Variants in PDE11A observed in about 807,000 individuals in gnomAD.
PDE11A encodes the protein phosphodiesterase 11A, also known as dual 3',5'-cyclic-AMP and -GMP phosphodiesterase 11A.
In PDE11A, 100 loss-of-function variants were observed where a neutral mutation model predicts 100.5. That is an observed-to-expected ratio of 1.00 (90% confidence interval 0.85 to 1.18). PDE11A has a LOEUF of 1.18. PDE11A is among the 50% of genes most tolerant of loss of function. PDE11A has a pLI of 0.00. For missense variants in PDE11A, 1,141 were observed against 1,152.6 expected (o/e 0.99, Z 0.15); for synonymous variants, 381 against 420.8 (o/e 0.91, Z 1.16).
chr2:177,932,464 C>T (rs1024845832), intron 2 of PDE11A, among the ~76,000 whole-genome samples: 8 of 152,052 alleles, frequency 5.3e-5, no homozygotes, highest in Admixed American at 2.0e-4. Flanking sequence ...AATTAATTTA[C>T]CATAATCAAG....
chr2:177,881,357 A>ATCTTATCTATCATCTATCTG (rs2084337635), intron 4 of PDE11A, among the ~76,000 whole-genome samples: 1 of 151,446 alleles, frequency 6.6e-6, no homozygotes, highest in African/African-American at 2.4e-5. Flanking sequence ...CTATCTATCT[A>ATCTTATCTATCATCTATCTG]TCTATCTATC....
chr2:177,681,966 T>C (rs573994942), intron 15 of PDE11A, among the ~76,000 whole-genome samples: 1 of 152,356 alleles, frequency 6.6e-6, no homozygotes, highest in Non-Finnish European at 1.5e-5. Context: ...CTACATTCTG[T>C]AGAGAATCCC....
chr2:177,660,031 T>TTTTCTTTCTTTCTTTCTTTC (rs1173068300), intron 19 of PDE11A, among the ~76,000 whole-genome samples: 1 of 125,544 alleles, frequency 8.0e-6, no homozygotes, highest in African/African-American at 2.9e-5. Context: ...GTTACAATCA[T>TTTTCTTTCTTTCTTTCTTTC]TTTCTTTCTT....
chr2:177,942,264 C>T (rs1474362217), intron 2 of PDE11A, among the ~76,000 whole-genome samples: 2 of 152,152 alleles, frequency 1.3e-5, no homozygotes, highest in Non-Finnish European at 1.5e-5. Flanking sequence ...ATAATAGATT[C>T]TACCTAATAG....
At chr2:177,892,467 A>G (rs1350146972) in intron 4 of PDE11A, among the ~76,000 whole-genome samples, 1 of 152,262 alleles carries the variant, frequency 6.6e-6, no homozygotes, top group Non-Finnish European at 1.5e-5. Context: ...ACAGCTATAC[A>G]AAAAAGTAAC....
At chr2:177,690,354 T>A (rs2081024563) in intron 15 of PDE11A, among the ~76,000 whole-genome samples, 1 of 152,222 alleles carries the variant, frequency 6.6e-6, no homozygotes, top group Admixed American at 6.5e-5. Flanking sequence ...CAGTTTACTT[T>A]CATCCTTTCC....
At chr2:177,834,346 T>C (rs985611808) in intron 6 of PDE11A, among the ~76,000 whole-genome samples, 63 of 152,324 alleles carry the variant, frequency 4.1e-4, no homozygotes, top group African/African-American at 1.5e-3. Context: ...AACTGCCCCC[T>C]TCCCCACCCC....
In PDE11A at chr2:177,840,350, G is replaced by T. The variant is rs754452312; in HGVS notation, c.1401C>A (p.Ser467=). ...CAATGCTGTTATTTATTAGCCAGTCGGAGTATGATGATTTCTCCATGCTTT... is the reference window on the plus strand; with the variant it reads ...CAATGCTGTTATTTATTAGCCAGTCTGAGTATGATGATTTCTCCATGCTTT... ...FKESMEKSSY[S]DWLINNSIAE... The change falls in exon 6 of 20, where the codon TCC becomes TCA. Residue 467 remains serine, a synonymous_variant. Transcript: ENST00000286063. The T allele has an allele frequency of 5.0e-6, 8 of 1,613,484 alleles. No individual in the cohort carries two copies. The South Asian group carries it at 8.8e-5, about 18-fold the overall frequency.
intron 1 of PDE11A, among the ~76,000 whole-genome samples, chr2:178,062,995 T>A (rs1369712688): frequency 6.6e-6 from 1 of 152,254 alleles, no homozygotes. Flanking sequence ...TGCCAGCTGC[T>A]AGAATTGATT....
chr2:177,633,578 T>C (rs1023967171), intron 19 of PDE11A, among the ~76,000 whole-genome samples: 2 of 152,260 alleles, frequency 1.3e-5, no homozygotes, highest in Non-Finnish European at 2.9e-5. Flanking sequence ...TCAAATTTAC[T>C]AGTTATTTCA....
chr2:177,818,063 G>A (rs964302436), intron 7 of PDE11A, 138 bp from the exon 8 acceptor site: 13 of 662,666 alleles, frequency 2.0e-5, no homozygotes, highest in African/African-American at 5.4e-5. Flanking sequence ...AGTGCCTGCC[G>A]ATTTCATGAG....
intron 15 of PDE11A, among the ~76,000 whole-genome samples, chr2:177,693,442 A>T (rs770187966): frequency 9.2e-5 from 14 of 152,168 alleles, no homozygotes; most frequent in Non-Finnish European, 1.6e-4. Context: ...CATAGTGGAG[A>T]ACAACAAAGA....
intron 5 of PDE11A, among the ~76,000 whole-genome samples, chr2:177,842,000 C>T (rs73038287): frequency 0.012 from 1,887 of 152,220 alleles, 41 homozygotes; most frequent in African/African-American, 0.043. Flanking sequence ...CTAGGAGAAA[C>T]AAGATAATGC....
At chr2:177,663,344 C>T (rs549948887) in intron 19 of PDE11A, among the ~76,000 whole-genome samples, 4 of 150,774 alleles carry the variant, frequency 2.7e-5, no homozygotes, top group South Asian at 2.1e-4. Context: ...CTGGAAGGTG[C>T]GTCACAAAAC....
chr2:177,842,265 G>A lies in PDE11A; in HGVS notation c.1368-1882C>T, dbSNP rs572003595. ...AGAGGTCTGGGCACAGAAGTAAAAC[G>A]GTTGGGTAGGGTGGGGCTCAAGGAA... is the stretch of plus-strand genomic sequence containing the variant. On this transcript the variant is annotated intron_variant, in intron 5 of 19. Coordinates refer to ENST00000286063, the MANE Select transcript of PDE11A (RefSeq NM_016953.4). 9.2e-5 allele frequency among the ~76,000 whole-genome samples: 14 copies of A among 152,306 alleles called. 1 individual carries two copies. In the South Asian group the frequency reaches 2.7e-3, roughly 29 times the overall value.
intron 1 of PDE11A, among the ~76,000 whole-genome samples, chr2:178,021,779 T>C (rs1265364108): frequency 6.6e-6 from 1 of 151,968 alleles, no homozygotes; most frequent in Non-Finnish European, 1.5e-5. Flanking sequence ...ATAGGAATTA[T>C]CCAGAAAAAA....
chr2:177,756,572 A>C (rs964789704), intron 10 of PDE11A, among the ~76,000 whole-genome samples: 4 of 152,226 alleles, frequency 2.6e-5, no homozygotes, highest in African/African-American at 9.6e-5. Flanking sequence ...CTGTTCCCAC[A>C]GAAATCACAA....
chr2:177,711,355 G>T (rs764764605), intron 13 of PDE11A, among the ~76,000 whole-genome samples: 7 of 152,188 alleles, frequency 4.6e-5, no homozygotes, highest in Non-Finnish European at 7.3e-5. Flanking sequence ...TCCTGGAAGA[G>T]ACTCTGTTGG....
intron 9 of PDE11A, among the ~76,000 whole-genome samples, chr2:177,813,164 G>C (rs933502676): frequency 2.0e-5 from 3 of 151,424 alleles, no homozygotes; most frequent in African/African-American, 7.3e-5. Context: ...TCATCTTTCA[G>C]CGTGCACTGT....
Sources: allele counts gnomAD v4.1 joint callset (sites outside exome capture counted in the v4.1 genomes callset), GRCh38; gene constraint gnomAD v4.1.1; transcripts MANE v1.5; gene names NCBI Gene and HGNC (gene_info 2026-07-23, HGNC 2026-07-21).